RNF10: variants seen among roughly 807,000 people sequenced by gnomAD.
The protein encoded by RNF10 is ring finger protein 10.
A neutral mutation model predicts 91.4 loss-of-function variants in RNF10; 38 were observed. The observed-to-expected ratio is 0.42, with a 90% CI of 0.32 to 0.54. The LOEUF is 0.54. RNF10 is among the 20% of genes least tolerant of loss of function. RNF10 has a pLI of 0.16. For missense variants in RNF10, 945 were observed against 1,012.0 expected (o/e 0.93, Z 0.90); for synonymous variants, 364 against 366.3 (o/e 0.99, Z 0.07).
In RNF10 at chr12:120,571,190, G is replaced by T. The variant is rs1389030199; in HGVS notation, c.2042-1G>T. Reference sequence around the variant, plus strand: ...TAATCAGGTCTCTGGTTCCCTTTCAGACTTTCTGCTGACCCCTCTGTCACC... The same window carrying T: ...TAATCAGGTCTCTGGTTCCCTTTCATACTTTCTGCTGACCCCTCTGTCACC... On this transcript the variant is annotated splice_acceptor_variant, in intron 13 of 16. Transcript: ENST00000325954. LOFTEE classifies it high-confidence loss of function. 6.2e-7 allele frequency: 1 copy of T among 1,611,616 alleles called. No homozygotes were observed. Among genetic ancestry groups the T allele is most frequent in the East Asian group, 2.2e-5 (1 of 44,866 alleles).
chr12:120,575,076 T>TAA (rs56774004), intron 14 of RNF10: 63 of 151,912 alleles, frequency 4.1e-4, no homozygotes, highest in African/African-American at 1.1e-3. Flanking sequence ...CCGTCTCTAC[T>TAA]AAAAAAAAAA....
chr12:120,554,375 C>T (rs929192648), intron 3 of RNF10: 4 of 244,812 alleles, frequency 1.6e-5, no homozygotes, highest in African/African-American at 9.3e-5. Context: ...GAAGACTAGC[C>T]ATTTTCTGGG....
intron 6 of RNF10, among the ~76,000 whole-genome samples, chr12:120,558,234 A>G (rs1874312344): frequency 6.6e-6 from 1 of 152,216 alleles, no homozygotes; most frequent in Non-Finnish European, 1.5e-5. Flanking sequence ...AATTAATTCC[A>G]GATAGATTGA....
chr12:120,548,648 T>C (rs865854705), intron 2 of RNF10, among the ~76,000 whole-genome samples: 30 of 147,748 alleles, frequency 2.0e-4, no homozygotes, highest in Admixed American at 1.5e-3. Flanking sequence ...GCTTGAGGGA[T>C]TTTTTTTCTT....
intron 1 of RNF10, among the ~76,000 whole-genome samples, chr12:120,540,368 C>T (rs1871377292): frequency 6.6e-6 from 1 of 152,116 alleles, no homozygotes; most frequent in African/African-American, 2.4e-5. Context: ...TGAGAACCAC[C>T]ACTCTGAGAT....
At chr12:120,538,737 G>A (rs1029221810) in intron 1 of RNF10, among the ~76,000 whole-genome samples, 10 of 152,148 alleles carry the variant, frequency 6.6e-5, no homozygotes, top group Admixed American at 6.6e-4. Flanking sequence ...ATCCCCCTGG[G>A]CCGATAGAAC....
chr12:120,550,065 A>G (rs981585640), intron 2 of RNF10, among the ~76,000 whole-genome samples: 3 of 152,152 alleles, frequency 2.0e-5, no homozygotes, highest in Non-Finnish European at 4.4e-5. Context: ...GTAATCATAC[A>G]TTTTCTAGCT....
At chr12:120,548,361 C>T (rs1358591742) in intron 2 of RNF10, among the ~76,000 whole-genome samples, 2 of 151,256 alleles carry the variant, frequency 1.3e-5, no homozygotes, top group Non-Finnish European at 2.9e-5. Context: ...GGTTCAAGAA[C>T]TGAACCTCTG....
chr12:120,545,216 T>C (rs2137148088), intron 1 of RNF10, among the ~76,000 whole-genome samples: 2 of 152,368 alleles, frequency 1.3e-5, no homozygotes, highest in East Asian at 3.9e-4. Flanking sequence ...AGTCTCGCCC[T>C]GTCACCCAGG....
intron 14 of RNF10, among the ~76,000 whole-genome samples, chr12:120,573,640 C>A (rs1451538163): frequency 6.6e-6 from 1 of 151,234 alleles, no homozygotes; most frequent in Non-Finnish European, 1.5e-5. Flanking sequence ...GAGGACTGGG[C>A]ATCTGGTGAG....
At chr12:120,565,965 C>A (rs751590250) in intron 12 of RNF10, among the ~76,000 whole-genome samples, 5 of 152,248 alleles carry the variant, frequency 3.3e-5, no homozygotes, top group African/African-American at 7.2e-5. Context: ...TTTAAGAGAT[C>A]TTTCGTAGCA....
chr12:120,541,527 C>T (rs1381595790), intron 1 of RNF10, among the ~76,000 whole-genome samples: 2 of 151,784 alleles, frequency 1.3e-5, no homozygotes, highest in Non-Finnish European at 2.9e-5. Flanking sequence ...CCCCGCCTCC[C>T]GGGTTCACGC....
At chr12:120,575,756 A>G in intron 15 of RNF10, 36 bp from the exon 16 acceptor site, 1 of 1,613,834 alleles carries the variant, frequency 6.2e-7, no homozygotes. Flanking sequence ...CTAGAAAAAG[A>G]GTTGTTTCTA....
intron 10 of RNF10, 139 bp downstream of exon 10, chr12:120,564,082 C>G: frequency 1.1e-6 from 1 of 916,338 alleles, no homozygotes; most frequent in Non-Finnish European, 1.6e-6. Context: ...AGTGATGGTG[C>G]TGTGAATTCT....
chr12:120,571,089 A>G, intron 13 of RNF10, 102 bp from the exon 14 acceptor site: 4 of 645,406 alleles, frequency 6.2e-6, no homozygotes, highest in South Asian at 1.8e-5. Flanking sequence ...TGAGGGGATG[A>G]TTTGTAATTT....
chr12:120,565,930 A>G (rs945063940), intron 12 of RNF10, among the ~76,000 whole-genome samples: 5 of 152,020 alleles, frequency 3.3e-5, no homozygotes, highest in African/African-American at 1.2e-4. Flanking sequence ...AAATTTTGAT[A>G]GACTAGGAAA....
Position 120,563,363 on chromosome 12 carries a change from T to C in RNF10, c.1271T>C (p.Leu424Pro). Reference protein sequence around the residue: ...FQPRKGVLEYLSAFDEETTEV... With the variant: ...FQPRKGVLEYPSAFDEETTEV... The stretch of plus-strand genomic sequence containing the variant: ...CTGCAACAGGGTGTGCTGGAGTATC[T>C]GTCTGCCTTCGATGAAGAAACCACG... The change falls in exon 9 of 17, where the codon CTG becomes CCG. Residue 424 changes from leucine to proline, a missense_variant. Transcript: ENST00000325954. 1 of 1,612,160 alleles carries C rather than the reference T, an allele frequency of 6.2e-7. No homozygotes were observed. The highest frequency in any genetic ancestry group is 8.5e-7 in the Non-Finnish European group (1 of 1,179,540).
At chr12:120,565,384 A>G (rs778373688) in intron 11 of RNF10, 44 bp from the exon 12 acceptor site, 4 of 1,568,184 alleles carry the variant, frequency 2.6e-6, no homozygotes, top group Non-Finnish European at 3.5e-6. Context: ...GGTAATGACC[A>G]TGTTGTCCTG....
chr12:120,555,627 A>G (rs1873868723), intron 4 of RNF10, among the ~76,000 whole-genome samples: 1 of 151,862 alleles, frequency 6.6e-6, no homozygotes. Context: ...AACTGGGACT[A>G]CAGGCACGCA....
Sources: gnomAD v4.1 joint callset for allele counts (sites outside exome capture counted in the v4.1 genomes callset) on GRCh38, gnomAD v4.1.1 for gene constraint, MANE v1.5 for transcripts, NCBI Gene and HGNC (gene_info 2026-07-23, HGNC 2026-07-21) for gene names.